Variants in ARRB1 observed in about 807,000 individuals in gnomAD.
ARRB1 encodes beta-arrestin-1.
In ARRB1, 21 loss-of-function variants were observed where a neutral mutation model predicts 56.8. That is an observed-to-expected ratio of 0.37 (90% CI 0.26 to 0.53). The LOEUF (loss-of-function observed/expected upper bound fraction) is 0.53, where lower values mean the gene tolerates loss of function less well. ARRB1 is among the 20% of genes least tolerant of loss of function. ARRB1 has a pLI of 0.88. For missense variants in ARRB1, 424 were observed against 553.7 expected (o/e 0.77, Z 2.35); for synonymous variants, 210 against 218.6 (o/e 0.96, Z 0.35).
At chr11:75,337,587 C>T (rs1222236940) in intron 1 of ARRB1, among the ~76,000 whole-genome samples, 1 of 151,974 alleles carries the variant, frequency 6.6e-6, no homozygotes, top group African/African-American at 2.4e-5. Context: ...ACAAGAGATA[C>T]ACATTTGCCC....
At chr11:75,283,142 G>A (rs1946386990) in intron 5 of ARRB1, 145 bp downstream of exon 5, 9 of 832,536 alleles carry the variant, frequency 1.1e-5, no homozygotes, top group Admixed American at 5.8e-5. Flanking sequence ...AGGTAACACA[G>A]GTGACAGTGC....
chr11:75,318,293 A>T (rs1292437856), intron 1 of ARRB1, among the ~76,000 whole-genome samples: 1 of 151,904 alleles, frequency 6.6e-6, no homozygotes, highest in Non-Finnish European at 1.5e-5. Context: ...CCTCCTGAGT[A>T]ACTGAGACTA....
At position 75,277,004 on chromosome 11, in the gene ARRB1, A is replaced by G. The variant is rs12721493; in HGVS notation, c.704-93T>C. 2,685 of 1,312,560 alleles carry G rather than the reference A, an allele frequency of 2.0e-3. 47 individuals are homozygous for G. In the African/African-American group the frequency reaches 0.035, roughly 17 times the overall value. The allele number at this position is 1,312,560 out of a possible 1,614,324, so 81.3% of individuals were successfully genotyped here. ...CCCCGGGTTGGGGATATTCAGCCCC[A>G]GGCAATGGCCAGAGGCCACCAGTGG... is the stretch of plus-strand genomic sequence containing the variant. On this transcript the variant is annotated intron_variant, in intron 9 of 15. Coordinates refer to ENST00000420843, the MANE Select transcript of ARRB1 (RefSeq NM_004041.5).
At chr11:75,316,687 C>A (rs1947271657) in intron 1 of ARRB1, among the ~76,000 whole-genome samples, 1 of 152,066 alleles carries the variant, frequency 6.6e-6, no homozygotes, top group Non-Finnish European at 1.5e-5. Flanking sequence ...AAGACACAGG[C>A]AGGAGAATCA....
intron 1 of ARRB1, among the ~76,000 whole-genome samples, chr11:75,345,829 G>A (rs1947759099): frequency 6.6e-6 from 1 of 152,116 alleles, no homozygotes; most frequent in African/African-American, 2.4e-5. Context: ...CAGCACTTAG[G>A]GAGTCCCTGG....
At position 75,266,052 on chromosome 11, in the gene ARRB1, G is replaced by A; in HGVS notation, c.*111C>T. The A allele has an allele frequency of 1.0e-6, 1 of 982,472 alleles. No individual in the cohort carries two copies. The highest frequency in any genetic ancestry group is 1.6e-5 in the African/African-American group (1 of 62,644). 60.9% of individuals were successfully genotyped at this position (982,472 alleles called of 1,614,324 possible). ...ATCTGGAAGCCCACGGGGCCCCCTG[G>A]TAGAAACTGGAAGAACAAAGGGGAA... On this transcript the variant is annotated 3_prime_UTR_variant, in exon 16 of 16. Coordinates refer to ENST00000420843, the MANE Select transcript of ARRB1 (RefSeq NM_004041.5).
intron 1 of ARRB1, among the ~76,000 whole-genome samples, chr11:75,319,017 C>T (rs759768908): frequency 8.5e-5 from 13 of 152,134 alleles, no homozygotes; most frequent in Non-Finnish European, 1.6e-4. Flanking sequence ...CAGGTAGGTT[C>T]TATTATCTTT....
At chr11:75,345,590 C>T (rs1263110769) in intron 1 of ARRB1, among the ~76,000 whole-genome samples, 5 of 152,146 alleles carry the variant, frequency 3.3e-5, no homozygotes, top group Admixed American at 3.3e-4. Flanking sequence ...CAGAAGCCTC[C>T]AGTCTGAGGA....
At chr11:75,268,824 G>C (rs1014206256) in intron 14 of ARRB1, 65 bp downstream of exon 14, 1 of 1,553,914 alleles carries the variant, frequency 6.4e-7, no homozygotes, top group Non-Finnish European at 8.7e-7. Flanking sequence ...GGGCGGGGTG[G>C]GTTACAGGGT....
intron 4 of ARRB1, among the ~76,000 whole-genome samples, chr11:75,283,927 A>G (rs1565114980): frequency 6.6e-6 from 1 of 152,128 alleles, no homozygotes. Flanking sequence ...CTTCCTGCGC[A>G]TTGATACTGC....
Position 75,281,148 on chromosome 11 carries a change from G to A in ARRB1, c.415-6C>T, listed in dbSNP as rs754961672. The A allele has an allele frequency of 2.5e-6, 4 of 1,592,470 alleles. No homozygotes were observed. Among genetic ancestry groups the A allele is most frequent in the Non-Finnish European group, 1.7e-6 (2 of 1,168,562 alleles). On this transcript the variant is annotated splice_polypyrimidine_tract_variant and splice_region_variant and intron_variant, in intron 6 of 15. Coordinates refer to ENST00000420843, the MANE Select transcript of ARRB1 (RefSeq NM_004041.5). ...TCATAGTCCACACCGCAAGCCTGTG[G>A]GGAAGGGGTCACTGACCACAGGGCC...
chr11:75,290,479 T>G (rs1946582715), intron 1 of ARRB1, among the ~76,000 whole-genome samples: 1 of 152,172 alleles, frequency 6.6e-6, no homozygotes, highest in African/African-American at 2.4e-5. Context: ...GGGACAGTTC[T>G]CTTCTGGGAG....
At chr11:75,287,272 C>G in intron 3 of ARRB1, 43 bp downstream of exon 3, 3 of 1,536,552 alleles carry the variant, frequency 2.0e-6, no homozygotes, top group Non-Finnish European at 2.6e-6. Flanking sequence ...GCTTGGCCAG[C>G]CACATCTTCC....
intron 5 of ARRB1, among the ~76,000 whole-genome samples, chr11:75,282,477 G>A (rs1946368310): frequency 6.6e-6 from 1 of 152,158 alleles, no homozygotes; most frequent in Non-Finnish European, 1.5e-5. Context: ...CCACAGTGAT[G>A]GGATGTACAA....
At chr11:75,290,435 G>A (rs942976923) in intron 1 of ARRB1, among the ~76,000 whole-genome samples, 4 of 152,086 alleles carry the variant, frequency 2.6e-5, no homozygotes, top group Non-Finnish European at 2.9e-5. Flanking sequence ...ACCCCCGGCT[G>A]GTCCTCAAGC....
chr11:75,308,821 A>T (rs969526346), intron 1 of ARRB1, among the ~76,000 whole-genome samples: 2 of 151,906 alleles, frequency 1.3e-5, no homozygotes, highest in African/African-American at 2.4e-5. Flanking sequence ...GCTGGTCTTG[A>T]TCTCCTGGGC....
intron 1 of ARRB1, among the ~76,000 whole-genome samples, chr11:75,313,977 A>G (rs776138271): frequency 1.3e-5 from 2 of 152,168 alleles, no homozygotes; most frequent in Non-Finnish European, 2.9e-5. Flanking sequence ...CCTCTGCCTA[A>G]AAACTCTTAA....
chr11:75,269,596 C>G (rs1329769207), intron 13 of ARRB1, among the ~76,000 whole-genome samples: 1 of 152,220 alleles, frequency 6.6e-6, no homozygotes, highest in Non-Finnish European at 1.5e-5. Flanking sequence ...ATGGGGCTTT[C>G]TCTGTACTTG....
At chr11:75,331,467 G>A (rs1032013117) in intron 1 of ARRB1, among the ~76,000 whole-genome samples, 5 of 152,290 alleles carry the variant, frequency 3.3e-5, no homozygotes, top group South Asian at 2.1e-4. Context: ...ATGGCCTGAA[G>A]TAACTGAAGA....
Sources: gnomAD v4.1 joint callset for allele counts (sites outside exome capture counted in the v4.1 genomes callset) on GRCh38, gnomAD v4.1.1 for gene constraint, MANE v1.5 for transcripts, NCBI Gene and HGNC (gene_info 2026-07-23, HGNC 2026-07-21) for gene names.